SPANXN4: variants seen among roughly 807,000 people sequenced by gnomAD.
SPANXN4 encodes SPANX family member N4, also known as sperm protein associated with the nucleus on the X chromosome N4.
A neutral mutation model predicts 6.0 loss-of-function variants in SPANXN4; 5 were observed. The ratio of observed to expected loss-of-function variants is 0.83; its 90% CI spans 0.44 to 1.75. SPANXN4 has a LOEUF of 1.75. SPANXN4 is among the 40% of genes most tolerant of loss of function. The probability of loss-of-function intolerance (pLI) is 0.02; values close to 1 mark genes in which losing one functional copy is unlikely to be tolerated. For synonymous variants in SPANXN4, 45 were observed against 38.0 expected, an observed-to-expected ratio of 1.19 and a Z score of -0.68; for missense variants, 157 against 108.6, an observed-to-expected ratio of 1.45 and a Z score of -1.98.
chrX:143,035,980 A>C (rs1932841900), downstream of SPANXN4, among the ~76,000 whole-genome samples: 1 of 103,134 alleles, frequency 9.7e-6, no homozygotes, highest in Admixed American at 1.1e-4. Flanking sequence ...TGGACCCCTT[A>C]TTTATATAGT....
At chrX:143,033,881 AC>A (rs1208953052) in intron 1 of SPANXN4, 143 bp from the exon 2 acceptor site, 3 of 520,851 alleles carry the variant, frequency 5.8e-6, no homozygotes, top group South Asian at 3.3e-5. Flanking sequence ...ATAGATCCCT[AC>A]CCTATGATTC....
chrX:143,034,425 C>T, intron 2 of SPANXN4, 114 bp downstream of exon 2: 1 of 1,092,377 alleles, frequency 9.2e-7, no homozygotes, highest in Non-Finnish European at 1.2e-6. Flanking sequence ...GACAGATCCA[C>T]AGGTTAGCCA....
intron 1 of SPANXN4, among the ~76,000 whole-genome samples, chrX:143,026,360 A>G (rs1313936022): frequency 2.7e-5 from 3 of 111,418 alleles, no homozygotes; most frequent in Middle Eastern, 4.7e-3. Context: ...GGATGTCATC[A>G]TGGTGTTGCT....
At chrX:143,034,359 A>G in intron 2 of SPANXN4, 48 bp downstream of exon 2, 1 of 1,031,321 alleles carries the variant, frequency 9.7e-7, no homozygotes, top group South Asian at 2.5e-5. Context: ...GGAGGAAGGG[A>G]AGGGAAAAGA....
chrX:143,026,721 A>C (rs1932780986), intron 1 of SPANXN4, among the ~76,000 whole-genome samples: 1 of 110,923 alleles, frequency 9.0e-6, no homozygotes, highest in Non-Finnish European at 1.9e-5. Context: ...GCGGAGAAGG[A>C]TGGTATCAAT....
downstream of SPANXN4, among the ~76,000 whole-genome samples, chrX:143,036,821 T>C (rs1425784365): frequency 9.0e-6 from 1 of 111,595 alleles, no homozygotes; most frequent in African/African-American, 3.3e-5. Flanking sequence ...GGGATCTTGA[T>C]TGGGAGTACA....
intron 1 of SPANXN4, among the ~76,000 whole-genome samples, chrX:143,030,405 T>A (rs1290799716): frequency 9.1e-6 from 1 of 110,133 alleles, no homozygotes; most frequent in Non-Finnish European, 1.9e-5. Context: ...GACTGACAGG[T>A]TATGGGAGGG....
downstream of SPANXN4, among the ~76,000 whole-genome samples, chrX:143,035,030 G>A (rs898823399): frequency 9.7e-4 from 98 of 101,099 alleles, no homozygotes; most frequent in African/African-American, 3.3e-3. Context: ...GAACCGAGAT[G>A]GCACCACTGC....
intron 1 of SPANXN4, among the ~76,000 whole-genome samples, chrX:143,028,887 G>A (rs1179489362): frequency 9.0e-6 from 1 of 111,444 alleles, no homozygotes; most frequent in East Asian, 2.8e-4. Flanking sequence ...GTCGAAGAAT[G>A]TATTTAAGCT....
At chrX:143,035,523 G>T (rs918565004), downstream of SPANXN4, among the ~76,000 whole-genome samples, 1 of 109,636 alleles carries the variant, frequency 9.1e-6, no homozygotes, top group East Asian at 2.9e-4. Flanking sequence ...CCCACCTTCT[G>T]GTCCATGTTT....
At position 143,034,010 on chromosome X, in the gene SPANXN4, C is replaced by T; in HGVS notation, c.79-18C>T. On this transcript the variant is annotated intron_variant, in intron 1 of 2. Transcript: ENST00000370504. ...AAAATAACACCATTCTGGCCTCTCC[C>T]TGTTTTTTTACCAGAAGAAGAAGAA... The T allele has an allele frequency of 8.6e-7, 1 of 1,159,146 alleles. No individual in the cohort carries two copies. The highest frequency in any genetic ancestry group is 1.8e-5 in the African/African-American group (1 of 55,806).
At chrX:143,031,411 G>T (rs1932809010) in intron 1 of SPANXN4, among the ~76,000 whole-genome samples, 1 of 111,342 alleles carries the variant, frequency 9.0e-6, no homozygotes. Context: ...TGGTAGGGGG[G>T]TGGGGGCAGA....
intron 2 of SPANXN4, 111 bp downstream of exon 2, chrX:143,034,422 C>T (rs947577462): frequency 5.5e-6 from 6 of 1,090,153 alleles, no homozygotes; most frequent in Admixed American, 7.2e-5. Context: ...GCGGACAGAT[C>T]CACAGGTTAG....
chrX:143,031,394 G>A (rs1261658240), intron 1 of SPANXN4, among the ~76,000 whole-genome samples: 2 of 111,295 alleles, frequency 1.8e-5, no homozygotes, highest in Admixed American at 1.9e-4. Flanking sequence ...TTCTGAGGTG[G>A]TGATGGTGGT....
At chrX:143,027,771 T>G (rs1932786664) in intron 1 of SPANXN4, among the ~76,000 whole-genome samples, 1 of 108,162 alleles carries the variant, frequency 9.2e-6, no homozygotes, top group Non-Finnish European at 1.9e-5. Context: ...GGCAATGTGT[T>G]AGGCTGATGA....
intron 1 of SPANXN4, among the ~76,000 whole-genome samples, chrX:143,033,762 C>A (rs915936816): frequency 1.8e-5 from 2 of 111,466 alleles, no homozygotes; most frequent in Non-Finnish European, 3.8e-5. Flanking sequence ...GGCCTGAACC[C>A]CCATGGAATG....
chrX:143,034,643 CA>C lies in SPANXN4; in HGVS notation c.419del (p.His140ProfsTer15). 8.6e-7 allele frequency: 1 copy of C among 1,163,668 alleles called. No homozygotes were observed. On this transcript the variant is annotated frameshift_variant, in exon 3 of 3. Transcript: ENST00000370504. LOFTEE classifies it low-confidence loss of function (END_TRUNC). ...GACATCAGAATCACCACCTTCAGGC[CA>C]CATACCTCAGAGTGGTGTGTTTTGT...
chrX:143,026,910 A>G (rs775368749), intron 1 of SPANXN4, among the ~76,000 whole-genome samples: 2 of 112,287 alleles, frequency 1.8e-5, no homozygotes, highest in Non-Finnish European at 3.8e-5. Flanking sequence ...TTCTGCTAAC[A>G]CTAGAATGAA....
intron 1 of SPANXN4, among the ~76,000 whole-genome samples, chrX:143,027,512 G>A (rs999187375): frequency 9.0e-6 from 1 of 111,459 alleles, no homozygotes; most frequent in Admixed American, 9.5e-5. Flanking sequence ...GCTATGAGGC[G>A]AAGGAGGGTG....
Sources: gnomAD v4.1 joint callset for allele counts (sites outside exome capture counted in the v4.1 genomes callset) on GRCh38, gnomAD v4.1.1 for gene constraint, MANE v1.5 for transcripts, NCBI Gene and HGNC (gene_info 2026-07-23, HGNC 2026-07-21) for gene names.